The following NAALADL2 variants were observed in gnomAD, a reference collection of about 807,000 sequenced individuals.
NAALADL2 encodes inactive N-acetylated-alpha-linked acidic dipeptidase-like protein 2.
In NAALADL2, 76 loss-of-function variants were observed where a neutral mutation model predicts 87.2. The ratio of observed to expected loss-of-function variants is 0.87; its 90% CI spans 0.72 to 1.05. The LOEUF is 1.05. Ranked by LOEUF, NAALADL2 falls within the 50% of genes least tolerant of loss-of-function variation. The pLI is 0.00. For missense variants in NAALADL2, 1,089 were observed against 945.8 expected, an observed-to-expected ratio of 1.15 and a Z score of -1.99; for synonymous variants, 354 against 331.0, an observed-to-expected ratio of 1.07 and a Z score of -0.75.
At chr3:174,850,603 A>G (rs1725133354) in intron 3 of NAALADL2, among the ~76,000 whole-genome samples, 1 of 152,172 alleles carries the variant, frequency 6.6e-6, no homozygotes, top group African/African-American at 2.4e-5. Flanking sequence ...TGAATGCTAG[A>G]GTACCCAGAT....
At chr3:175,540,757 G>T (rs1036713923) in intron 9 of NAALADL2, among the ~76,000 whole-genome samples, 2 of 152,142 alleles carry the variant, frequency 1.3e-5, no homozygotes, top group South Asian at 2.1e-4. Context: ...GAAGCATCCA[G>T]GTTTCTGGAC....
chr3:174,652,445 A>G (rs1022758051), intron 2 of NAALADL2, among the ~76,000 whole-genome samples: 2 of 152,222 alleles, frequency 1.3e-5, no homozygotes, highest in Admixed American at 1.3e-4. Flanking sequence ...TCACAGTTCC[A>G]CATGGCTGGG....
At chr3:175,152,697 G>A (rs947894453) in intron 2 of NAALADL2, among the ~76,000 whole-genome samples, 2 of 152,150 alleles carry the variant, frequency 1.3e-5, no homozygotes, top group African/African-American at 2.4e-5. Flanking sequence ...CCTGAGGTCA[G>A]GAGTTCGAGA....
chr3:175,799,846 C>T (rs761197856), intron 13 of NAALADL2, among the ~76,000 whole-genome samples: 5 of 151,936 alleles, frequency 3.3e-5, no homozygotes, highest in Non-Finnish European at 5.9e-5. Flanking sequence ...TGATTACATT[C>T]GCATGGTTGA....
chr3:174,956,237 G>A (rs183375756), intron 1 of NAALADL2, among the ~76,000 whole-genome samples: 1 of 151,986 alleles, frequency 6.6e-6, no homozygotes, highest in Admixed American at 6.6e-5. Context: ...TTCTTTCCAC[G>A]ATTAGAAGTA....
chr3:174,783,419 G>A (rs1267476211), intron 3 of NAALADL2, among the ~76,000 whole-genome samples: 1 of 152,044 alleles, frequency 6.6e-6, no homozygotes, highest in Non-Finnish European at 1.5e-5. Context: ...AGAATTGATG[G>A]GGTATTGCAC....
At chr3:175,527,011 T>C (rs1252346398) in intron 9 of NAALADL2, among the ~76,000 whole-genome samples, 4 of 152,290 alleles carry the variant, frequency 2.6e-5, no homozygotes, top group African/African-American at 9.6e-5. Flanking sequence ...CTGTTTCCTT[T>C]TCTTTGAAAT....
At chr3:175,684,189 C>A (rs1735972054) in intron 11 of NAALADL2, among the ~76,000 whole-genome samples, 1 of 151,684 alleles carries the variant, frequency 6.6e-6, no homozygotes, top group Admixed American at 6.6e-5. Flanking sequence ...ACAACAGCAG[C>A]AACAACAAAA....
At chr3:175,674,252 T>G (rs1016523930) in intron 11 of NAALADL2, among the ~76,000 whole-genome samples, 26 of 148,940 alleles carry the variant, frequency 1.7e-4, no homozygotes, top group Admixed American at 9.9e-4. Flanking sequence ...ATAGTGTTTT[T>G]TTTTTTTGTT....
intron 13 of NAALADL2, among the ~76,000 whole-genome samples, chr3:175,780,549 A>T (rs751826570): frequency 6.7e-6 from 1 of 148,152 alleles, no homozygotes; most frequent in Non-Finnish European, 1.5e-5. Flanking sequence ...CTCTGAGCAG[A>T]TGCTTTATGT....
chr3:175,302,127 T>G (rs1033437899), intron 4 of NAALADL2, among the ~76,000 whole-genome samples: 1 of 152,212 alleles, frequency 6.6e-6, no homozygotes, highest in Admixed American at 6.5e-5. Flanking sequence ...TACTCTGAGT[T>G]ATCCGATCTA....
intron 11 of NAALADL2, among the ~76,000 whole-genome samples, chr3:175,669,392 G>T (rs752926271): frequency 4.6e-5 from 7 of 152,070 alleles, no homozygotes; most frequent in Non-Finnish European, 1.0e-4. Flanking sequence ...TAGGTCATAT[G>T]TTGGAATCAC....
chr3:175,061,249 A>G (rs2109081699), intron 1 of NAALADL2, among the ~76,000 whole-genome samples: 1 of 152,340 alleles, frequency 6.6e-6, no homozygotes, highest in South Asian at 2.1e-4. Flanking sequence ...GAATTAGTTC[A>G]TGTGCAGATG....
intron 4 of NAALADL2, among the ~76,000 whole-genome samples, chr3:175,273,607 A>G (rs1753159338): frequency 6.6e-6 from 1 of 152,154 alleles, no homozygotes; most frequent in Non-Finnish European, 1.5e-5. Context: ...AGATAATAAA[A>G]AGGTAAAACT....
intron 5 of NAALADL2, among the ~76,000 whole-genome samples, chr3:175,430,818 G>A (rs1260026111): frequency 6.6e-6 from 1 of 151,946 alleles, no homozygotes; most frequent in Non-Finnish European, 1.5e-5. Flanking sequence ...TTTATATAAT[G>A]CTATGTCATT....
At chr3:175,647,062 G>A (rs988244864) in intron 11 of NAALADL2, among the ~76,000 whole-genome samples, 6 of 152,084 alleles carry the variant, frequency 3.9e-5, no homozygotes, top group Non-Finnish European at 7.4e-5. Flanking sequence ...AGAGCAAAAT[G>A]GACAAGGATG....
chr3:175,767,223 G>T (rs1438985635), intron 13 of NAALADL2, among the ~76,000 whole-genome samples: 1 of 151,826 alleles, frequency 6.6e-6, no homozygotes, highest in Non-Finnish European at 1.5e-5. Flanking sequence ...AAAAAAAATA[G>T]GTCTATAAAT....
chr3:175,043,432 T>G (rs1286841999), intron 1 of NAALADL2, among the ~76,000 whole-genome samples: 1 of 152,064 alleles, frequency 6.6e-6, no homozygotes, highest in Non-Finnish European at 1.5e-5. Context: ...AGAGATGGGA[T>G]TTTATCACAT....
At chr3:175,336,390 C>T (rs193231264) in intron 5 of NAALADL2, among the ~76,000 whole-genome samples, 1 of 152,300 alleles carries the variant, frequency 6.6e-6, no homozygotes, top group East Asian at 1.9e-4. Flanking sequence ...ACTACACAGT[C>T]AAACCTACTG....
Sources: allele counts gnomAD v4.1 joint callset (sites outside exome capture counted in the v4.1 genomes callset), GRCh38; gene constraint gnomAD v4.1.1; transcripts MANE v1.5; gene names NCBI Gene and HGNC (gene_info 2026-07-23, HGNC 2026-07-21).